KATNB1: variants seen among roughly 807,000 people sequenced by gnomAD.
The protein encoded by KATNB1 is katanin regulatory subunit B1, also known as katanin p80 WD40 repeat-containing subunit B1.
Under a neutral mutation model 82.3 loss-of-function variants are expected in KATNB1, and 38 were observed. The observed-to-expected ratio is 0.46, with a 90% confidence interval of 0.36 to 0.61. The LOEUF is 0.61. KATNB1 is among the 20% of genes least tolerant of loss of function. The probability of loss-of-function intolerance (pLI) is 0.00; values close to 1 mark genes in which losing one functional copy is unlikely to be tolerated. For missense variants in KATNB1, 749 were observed against 915.7 expected, an observed-to-expected ratio of 0.82 and a Z score of 2.35; for synonymous variants, 361 against 368.7, an observed-to-expected ratio of 0.98 and a Z score of 0.24.
At chr16:57,748,450 A>AC (rs1259639350) in intron 4 of KATNB1, among the ~76,000 whole-genome samples, 2 of 147,252 alleles carry the variant, frequency 1.4e-5, no homozygotes, top group South Asian at 2.1e-4. Flanking sequence ...ACAAAAGGAG[A>AC]CCCCATCTCT....
At position 57,756,346 on chromosome 16, in the gene KATNB1, C is replaced by G. The variant is rs1033008634; in HGVS notation, c.1719-10C>G. On this transcript the variant is annotated splice_polypyrimidine_tract_variant and intron_variant, in intron 18 of 19. Transcript: ENST00000379661. ...GGTCCATCTGTGACTTCATCCATCT[C>G]CCCCTAAAGCTACGTCCAGACGGGC... is the stretch of plus-strand genomic sequence containing the variant. 1.2e-6 allele frequency: 2 copies of G among 1,609,310 alleles called. No homozygotes were observed. Among genetic ancestry groups the G allele is most frequent in the Non-Finnish European group, 1.7e-6 (2 of 1,177,156 alleles).
In KATNB1 at chr16:57,737,361, T is replaced by G; in HGVS notation, c.40+78T>G. On this transcript the variant is annotated intron_variant, in intron 2 of 19. Coordinates refer to ENST00000379661, the MANE Select transcript of KATNB1 (RefSeq NM_005886.3). Reference sequence around the variant, plus strand: ...TTGCTGGGAGGCCTGAACCCACAGCTTTGTTTCCTGTTCTTGGCACAGGAG... The same window carrying G: ...TTGCTGGGAGGCCTGAACCCACAGCGTTGTTTCCTGTTCTTGGCACAGGAG... The G allele has an allele frequency of 1.1e-5, 17 of 1,530,842 alleles. No homozygotes were observed. In the South Asian group the frequency reaches 1.9e-4, roughly 17 times the overall value. 94.8% of individuals were successfully genotyped at this position (1,530,842 alleles called of 1,614,324 possible).
intron 18 of KATNB1, 82 bp downstream of exon 18, chr16:57,756,148 C>T (rs2049275726): frequency 6.8e-7 from 1 of 1,478,694 alleles, no homozygotes; most frequent in Admixed American, 1.7e-5. Context: ...GGGAAGGACC[C>T]CCAAGAGCCT....
At chr16:57,756,105 A>C (rs782237327) in intron 18 of KATNB1, 39 bp downstream of exon 18, 1 of 1,585,800 alleles carries the variant, frequency 6.3e-7, no homozygotes, top group Non-Finnish European at 8.6e-7. Flanking sequence ...AAGCAGGGGG[A>C]GGGGAGAGGT....
At chr16:57,755,620 C>A in intron 16 of KATNB1, 126 bp downstream of exon 16, 1 of 1,255,642 alleles carries the variant, frequency 8.0e-7, no homozygotes, top group Non-Finnish European at 1.1e-6. Context: ...CCATCCCTGA[C>A]GTCACACCAT....
chr16:57,756,608 C>T (rs1567904858), intron 19 of KATNB1, 136 bp downstream of exon 19: 7 of 1,171,930 alleles, frequency 6.0e-6, no homozygotes, highest in Admixed American at 2.5e-5. Flanking sequence ...GGCCATGGCT[C>T]AGGGTGTGGG....
chr16:57,756,583 G>GC, intron 19 of KATNB1, 111 bp downstream of exon 19: 2 of 1,205,430 alleles, frequency 1.7e-6, no homozygotes, highest in Non-Finnish European at 1.2e-6. Flanking sequence ...GAGTACAGAG[G>GC]AGGCGTTGGT....
chr16:57,752,538 G>A lies in KATNB1; in HGVS notation c.641G>A (p.Arg214His), dbSNP rs782135998. 9 of 1,565,310 alleles carry A rather than the reference G, an allele frequency of 5.7e-6. No homozygotes were observed. Among genetic ancestry groups the A allele is most frequent in the South Asian group, 2.3e-5 (2 of 85,110 alleles). Residue 214 changes from arginine (R) to histidine (H), a missense_variant, in exon 9 of 20, where the codon CGC becomes CAC. Coordinates refer to ENST00000379661, the MANE Select transcript of KATNB1 (RefSeq NM_005886.3). ...CTTGGCTGCCTTTGCAGGACAATCC[G>A]CTTCTGGGACCTGGAGAAGTTCCAG... ...LASGSSDRTIRFWDLEKFQVV... is the reference protein window; with the variant it reads ...LASGSSDRTIHFWDLEKFQVV...
chr16:57,743,154 G>A (rs1555580241), intron 3 of KATNB1, among the ~76,000 whole-genome samples: 5 of 152,184 alleles, frequency 3.3e-5, no homozygotes. Context: ...TTAGCCGGGC[G>A]TGGTGGCAGG....
In KATNB1 at chr16:57,750,825, A is replaced by C. The variant is rs782642644; in HGVS notation, c.290-2A>C. The C allele has an allele frequency of 6.2e-7, 1 of 1,613,146 alleles. No individual in the cohort carries two copies. The highest frequency in any genetic ancestry group is 8.5e-7 in the Non-Finnish European group (1 of 1,179,150). ...CACTGTCTCTGCTTTCCTTCTTGTTAGTTCTTCGCACACTCATGGGACACA... is the reference window on the plus strand; with the variant it reads ...CACTGTCTCTGCTTTCCTTCTTGTTCGTTCTTCGCACACTCATGGGACACA... On this transcript the variant is annotated splice_acceptor_variant, in intron 4 of 19. Transcript: ENST00000379661. LOFTEE classifies it high-confidence loss of function.
intron 4 of KATNB1, among the ~76,000 whole-genome samples, chr16:57,749,815 G>GC (rs2049211719): frequency 6.6e-6 from 1 of 152,224 alleles, no homozygotes; most frequent in Middle Eastern, 3.4e-3. Context: ...AGGCGATCAG[G>GC]CCCCACCCCA....
rs1332835690 is a variant in KATNB1, at chr16:57,744,399, G to C, written c.177G>C (p.Leu59=). 4 of 1,613,018 alleles carry C rather than the reference G, an allele frequency of 2.5e-6. No homozygotes were observed. The highest frequency in any genetic ancestry group is 3.4e-6 in the Non-Finnish European group (4 of 1,179,894). Residue 59 remains leucine (L), a synonymous_variant, in exon 4 of 20, where the codon CTG becomes CTC. Coordinates refer to ENST00000379661, the MANE Select transcript of KATNB1 (RefSeq NM_005886.3). The part of the protein sequence containing the change: ...SINKPNCIMS[L]TGHTSPVESV... ...CTGCTGCTCTCTCTCCACAGAGCCTGACGGGCCACACATCCCCAGTGGAGA... is the reference window on the plus strand; with the variant it reads ...CTGCTGCTCTCTCTCCACAGAGCCTCACGGGCCACACATCCCCAGTGGAGA...
rs1156983028 is a variant in KATNB1 at position 57,755,870 on chromosome 16, C to T, written c.1596C>T (p.Asn532=). ...KTSVDSAVAI[N]DLSVVVDLLN... ...CGGTGGACTCCGCTGTGGCCATCAA[C>T]GACCTGTCGGTGGTGGTGGACCTCC... Residue 532 remains asparagine, a synonymous_variant, in exon 17 of 20, where the codon AAC becomes AAT. Coordinates refer to ENST00000379661, the MANE Select transcript of KATNB1 (RefSeq NM_005886.3). 8 of 1,594,900 alleles carry T rather than the reference C, an allele frequency of 5.0e-6. No individual in the cohort carries two copies. The highest frequency in any genetic ancestry group is 2.2e-5 in the South Asian group (2 of 90,076).
At chr16:57,745,780 G>A (rs1054069852) in intron 4 of KATNB1, among the ~76,000 whole-genome samples, 2 of 144,816 alleles carry the variant, frequency 1.4e-5, no homozygotes, top group African/African-American at 5.5e-5. Flanking sequence ...TTTCCCTGGA[G>A]TTAATAATAG....
intron 14 of KATNB1, 25 bp from the exon 15 acceptor site, chr16:57,755,094 C>T (rs2049264628): frequency 6.2e-7 from 1 of 1,612,934 alleles, no homozygotes; most frequent in Non-Finnish European, 8.5e-7. Flanking sequence ...CCCAGGCCGG[C>T]AACCGCTGAG....
chr16:57,749,056 C>T (rs995477916), intron 4 of KATNB1, among the ~76,000 whole-genome samples: 1 of 152,234 alleles, frequency 6.6e-6, no homozygotes, highest in Non-Finnish European at 1.5e-5. Flanking sequence ...ATGCATTCGA[C>T]AGACTCCAGA....
At chr16:57,753,554 C>A (rs782648304) in intron 12 of KATNB1, 35 bp downstream of exon 12, 1 of 1,607,652 alleles carries the variant, frequency 6.2e-7, no homozygotes, top group Non-Finnish European at 8.5e-7. Flanking sequence ...CCCAGCGTCC[C>A]CATCGGTGAA....
intron 2 of KATNB1, among the ~76,000 whole-genome samples, chr16:57,738,594 ACT>A (rs1208371180): frequency 6.6e-6 from 1 of 150,866 alleles, no homozygotes; most frequent in African/African-American, 2.5e-5. Context: ...TAACCATAAG[ACT>A]CTGGGCAAAG....
chr16:57,750,582 C>T lies in KATNB1; in HGVS notation c.290-245C>T, dbSNP rs554514855. ...CAGAGGTTGCAGTGAGCCGAGATCA[C>T]GCCATTGCATTCCAGCCTGGGCGAC... On this transcript the variant is annotated intron_variant, in intron 4 of 19. Coordinates refer to ENST00000379661, the MANE Select transcript of KATNB1 (RefSeq NM_005886.3). Among the ~76,000 whole-genome samples, 4 of 152,238 alleles carry T rather than the reference C, an allele frequency of 2.6e-5. No individual in the cohort carries two copies. In the East Asian group the frequency reaches 5.8e-4, roughly 22 times the overall value.
Sources: allele counts gnomAD v4.1 joint callset (sites outside exome capture counted in the v4.1 genomes callset), GRCh38; gene constraint gnomAD v4.1.1; transcripts MANE v1.5; gene names NCBI Gene and HGNC (gene_info 2026-07-23, HGNC 2026-07-21).